Variants in WIPF1 observed in about 807,000 individuals in gnomAD.
The protein encoded by WIPF1 is WAS/WASL-interacting protein family member 1.
In WIPF1, 13 loss-of-function variants were observed where a neutral mutation model predicts 35.4. The observed-to-expected ratio is 0.37, with a 90% CI of 0.24 to 0.58. WIPF1 has a LOEUF of 0.58. WIPF1 is among the 20% of genes least tolerant of loss of function. WIPF1 has a pLI of 0.74. For synonymous variants in WIPF1, 267 were observed against 266.3 expected (o/e 1.00, Z -0.02); for missense variants, 591 against 667.0 (o/e 0.89, Z 1.25).
At chr2:174,653,499 G>A (rs981364090) in intron 1 of WIPF1, among the ~76,000 whole-genome samples, 6 of 152,008 alleles carry the variant, frequency 3.9e-5, no homozygotes, top group Admixed American at 2.0e-4. Context: ...ACTTTGGCAG[G>A]CCGAGGCGGG....
At chr2:174,666,953 C>CT (rs1294252300) in intron 1 of WIPF1, among the ~76,000 whole-genome samples, 1 of 152,248 alleles carries the variant, frequency 6.6e-6, no homozygotes, top group African/African-American at 2.4e-5. Context: ...TGCCCTCTGA[C>CT]TAAGAACAAT....
chr2:174,611,302 A>T (rs988876463), intron 1 of WIPF1, among the ~76,000 whole-genome samples: 1 of 152,216 alleles, frequency 6.6e-6, no homozygotes, highest in African/African-American at 2.4e-5. Flanking sequence ...ACTAGGATGC[A>T]AATGGAAAGG....
At chr2:174,629,913 G>A (rs1686967205) in intron 1 of WIPF1, 2 of 152,202 alleles carry the variant, frequency 1.3e-5, no homozygotes, top group Admixed American at 6.5e-5. Flanking sequence ...ATTCAGTAAA[G>A]CAGTGACTTA....
Position 174,638,211 on chromosome 2 carries a change from T to C in WIPF1, c.-39+44563A>G, listed in dbSNP as rs76248357. 7.9e-3 allele frequency among the ~76,000 whole-genome samples: 1,211 copies of C among 152,330 alleles called. 16 individuals are homozygous for C. Among genetic ancestry groups the C allele is most frequent in the African/African-American group, 0.028 (1,160 of 41,582 alleles). On this transcript the variant is annotated intron_variant, in intron 1 of 8. Transcript: ENST00000272746. ...CTACAAATTCTCATCAAGTCCTAAATATAGATAAATACAGATATTGATATA... is the reference window on the plus strand; with the variant it reads ...CTACAAATTCTCATCAAGTCCTAAACATAGATAAATACAGATATTGATATA...
chr2:174,584,740 C>T (rs750585056), intron 2 of WIPF1, among the ~76,000 whole-genome samples: 31 of 150,244 alleles, frequency 2.1e-4, no homozygotes, highest in Non-Finnish European at 4.0e-4. Flanking sequence ...GGTGAAACCC[C>T]GTCCATACTA....
intron 1 of WIPF1, among the ~76,000 whole-genome samples, chr2:174,608,238 TAGAAAGGAC>T (rs1276561282): frequency 6.6e-6 from 1 of 152,134 alleles, no homozygotes; most frequent in Non-Finnish European, 1.5e-5. Flanking sequence ...CAGGACTATC[TAGAAAGGAC>T]AGTCCCATAA....
intron 1 of WIPF1, among the ~76,000 whole-genome samples, chr2:174,646,994 A>C (rs530242535): frequency 6.6e-6 from 1 of 152,226 alleles, no homozygotes; most frequent in African/African-American, 2.4e-5. Context: ...GCTGCAGATT[A>C]TCCCAGAGAG....
chr2:174,585,555 GA>G lies in WIPF1; in HGVS notation c.18del (p.Pro7GlnfsTer19). ...AACGTCGGGGGCGGCGGGGGTGCTG[GA>G]GGGGGAGGGACAGGCATCTTGGGCA... The part of the protein sequence containing the change: MPVPP[P>X]PAPPPPPTFA... On this transcript the variant is annotated frameshift_variant, in exon 2 of 8. Coordinates refer to ENST00000679041, the MANE Select transcript of WIPF1 (RefSeq NM_001375834.1). LOFTEE classifies it high-confidence loss of function. 1 of 1,611,356 alleles carries G rather than the reference GA, an allele frequency of 6.2e-7. No individual in the cohort carries two copies.
At position 174,561,826 on chromosome 2, in the gene WIPF1, A is replaced by T; in HGVS notation, c.*721T>A. 2.4e-6 allele frequency: 1 copy of T among 408,300 alleles called. No individual in the cohort carries two copies. The highest frequency in any genetic ancestry group is 4.4e-6 in the Non-Finnish European group (1 of 226,460). The allele number at this position is 408,300 out of a possible 1,614,324, so 25.3% of individuals were successfully genotyped here. On this transcript the variant is annotated 3_prime_UTR_variant, in exon 8 of 8. Transcript: ENST00000679041. Reference sequence around the variant, plus strand: ...CTACTGAGCACTTAAAAATGTGACTAGTCTGAATGGAGATGTGCGGTAAGT... The same window carrying T: ...CTACTGAGCACTTAAAAATGTGACTTGTCTGAATGGAGATGTGCGGTAAGT...
At chr2:174,591,462 C>T (rs1012040002) in intron 1 of WIPF1, among the ~76,000 whole-genome samples, 1 of 151,992 alleles carries the variant, frequency 6.6e-6, no homozygotes, top group African/African-American at 2.4e-5. Context: ...AGCCAGAACC[C>T]TAGAGTATGT....
At chr2:174,647,428 C>A (rs1228156924) in intron 1 of WIPF1, among the ~76,000 whole-genome samples, 1 of 151,546 alleles carries the variant, frequency 6.6e-6, no homozygotes, top group Non-Finnish European at 1.5e-5. Context: ...GGCTGGAATG[C>A]AATGGCGCGA....
chr2:174,640,609 GTATT>G (rs1334526400), intron 1 of WIPF1, among the ~76,000 whole-genome samples: 15 of 151,544 alleles, frequency 9.9e-5, no homozygotes, highest in South Asian at 2.1e-4. Context: ...ATGTATGTAT[GTATT>G]TATTTATTAT....
intron 4 of WIPF1, chr2:174,574,918 C>G: frequency 1.4e-6 from 1 of 716,766 alleles, no homozygotes; most frequent in Non-Finnish European, 2.6e-6. Context: ...TTGCTCCTCC[C>G]TTTTCTTCCC....
chr2:174,605,249 A>G (rs1686123563), intron 1 of WIPF1, among the ~76,000 whole-genome samples: 1 of 152,174 alleles, frequency 6.6e-6, no homozygotes, highest in Admixed American at 6.5e-5. Context: ...TCTGACCAAC[A>G]TGGTGAAACC....
chr2:174,658,947 A>C (rs1687701270), intron 1 of WIPF1, among the ~76,000 whole-genome samples: 1 of 152,102 alleles, frequency 6.6e-6, no homozygotes, highest in African/African-American at 2.4e-5. Flanking sequence ...GTCCTCGGAC[A>C]AGTCATTTCA....
intron 1 of WIPF1, among the ~76,000 whole-genome samples, chr2:174,592,327 C>T (rs1387750963): frequency 6.6e-6 from 1 of 152,164 alleles, no homozygotes; most frequent in African/African-American, 2.4e-5. Context: ...TAAGAAGCAG[C>T]TTTATCCAAT....
chr2:174,606,773 T>C (rs1317877532), intron 1 of WIPF1, among the ~76,000 whole-genome samples: 1 of 152,260 alleles, frequency 6.6e-6, no homozygotes, highest in Non-Finnish European at 1.5e-5. Flanking sequence ...CTAACACTTC[T>C]AGTACCACAT....
intron 1 of WIPF1, among the ~76,000 whole-genome samples, chr2:174,678,650 T>C (rs1358998844): frequency 6.6e-6 from 1 of 152,264 alleles, no homozygotes; most frequent in Non-Finnish European, 1.5e-5. Context: ...ACACTGATGA[T>C]GGCCACTGTG....
At chr2:174,675,307 T>A (rs966699583) in intron 1 of WIPF1, among the ~76,000 whole-genome samples, 17 of 152,200 alleles carry the variant, frequency 1.1e-4, no homozygotes, top group African/African-American at 3.9e-4. Flanking sequence ...CAAGTACATA[T>A]GCTTTTGTAA....
Sources: allele counts gnomAD v4.1 joint callset (sites outside exome capture counted in the v4.1 genomes callset), GRCh38; gene constraint gnomAD v4.1.1; transcripts MANE v1.5; gene names NCBI Gene and HGNC (gene_info 2026-07-23, HGNC 2026-07-21).